UNC45A: variants seen among roughly 807,000 people sequenced by gnomAD.
UNC45A encodes protein unc-45 homolog A.
In UNC45A, 78 loss-of-function variants were observed where a neutral mutation model predicts 103.2. The observed-to-expected ratio is 0.76, with a 90% CI of 0.63 to 0.91. UNC45A has a LOEUF of 0.91. Among genes scored for constraint, UNC45A ranks in the 40% least tolerant of loss-of-function variants. The probability of loss-of-function intolerance (pLI) is 0.00; values close to 1 mark genes in which losing one functional copy is unlikely to be tolerated. For missense variants in UNC45A, 1,193 were observed against 1,224.8 expected (o/e 0.97, Z 0.39); for synonymous variants, 495 against 504.6 (o/e 0.98, Z 0.25).
chr15:90,942,629 CT>C (rs1567153138), intron 7 of UNC45A, 24 bp downstream of exon 7: 1 of 1,614,002 alleles, frequency 6.2e-7, no homozygotes, highest in Admixed American at 1.7e-5. Context: ...GGTCTGGGGT[CT>C]TTTGGACGTT....
At chr15:90,933,981 G>A (rs1181502635), upstream of UNC45A, 4 of 398,804 alleles carry the variant, frequency 1.0e-5, no homozygotes, top group South Asian at 1.3e-4. Context: ...CTGCAGTCAC[G>A]GCCTAGAAAG....
intron 4 of UNC45A, among the ~76,000 whole-genome samples, chr15:90,938,656 C>T (rs1243361135): frequency 6.6e-6 from 1 of 151,904 alleles, no homozygotes; most frequent in East Asian, 1.9e-4. Context: ...ATGATCTTCC[C>T]CATTCAGATT....
upstream of UNC45A, chr15:90,931,899 C>G (rs554875348): frequency 3.1e-6 from 5 of 1,614,062 alleles, no homozygotes; most frequent in African/African-American, 1.3e-5. Flanking sequence ...TCCACCTCAT[C>G]CAGGGTGGTG....
chr15:90,938,977 TTTTA>T (rs1334333469), intron 4 of UNC45A, among the ~76,000 whole-genome samples: 1 of 151,628 alleles, frequency 6.6e-6, no homozygotes, highest in Non-Finnish European at 1.5e-5. Context: ...TGGCTTCAGA[TTTTA>T]TTTATTTATT....
chr15:90,947,964 T>C, intron 11 of UNC45A, 74 bp downstream of exon 11: 3 of 1,426,004 alleles, frequency 2.1e-6, no homozygotes, highest in Non-Finnish European at 2.8e-6. Flanking sequence ...GGGTGGGGGT[T>C]GGGGCCTCCT....
At chr15:90,947,605 G>A (rs1389335222) in intron 10 of UNC45A, 191 bp from the exon 11 acceptor site, 5 of 598,072 alleles carry the variant, frequency 8.4e-6, no homozygotes, top group Non-Finnish European at 1.5e-5. Context: ...TGTGTCATGC[G>A]GCCACCCCAG....
intron 4 of UNC45A, among the ~76,000 whole-genome samples, chr15:90,939,528 G>A (rs909856075): frequency 1.3e-5 from 2 of 152,180 alleles, no homozygotes; most frequent in Non-Finnish European, 2.9e-5. Context: ...GCAGGAAATA[G>A]CTCAGAAAGA....
At chr15:90,949,783 C>A in intron 15 of UNC45A, 63 bp downstream of exon 15, 1 of 1,520,472 alleles carries the variant, frequency 6.6e-7, no homozygotes, top group Non-Finnish European at 9.1e-7. Flanking sequence ...CATGACTCAG[C>A]AGCTGCCACG....
At chr15:90,932,379 TC>T, upstream of UNC45A, 1 of 1,163,700 alleles carries the variant, frequency 8.6e-7, no homozygotes, top group Non-Finnish European at 1.1e-6. Flanking sequence ...TCCTTCCCAG[TC>T]CCCACCACCC....
chr15:90,953,115 C>T (rs1357628099), intron 18 of UNC45A, 40 bp from the exon 19 acceptor site: 1 of 1,613,082 alleles, frequency 6.2e-7, no homozygotes, highest in Admixed American at 1.7e-5. Context: ...CTGGGCTTTA[C>T]ACCCAACTGA....
chr15:90,934,892 G>C (rs910341920), upstream of UNC45A: 5 of 444,944 alleles, frequency 1.1e-5, no homozygotes, highest in African/African-American at 1.0e-4. Context: ...ACAGAGCGCA[G>C]CAGCGAGAGC....
At chr15:90,950,332 T>G in intron 16 of UNC45A, 65 bp downstream of exon 16, 2 of 1,524,268 alleles carry the variant, frequency 1.3e-6, no homozygotes, top group Non-Finnish European at 1.8e-6. Context: ...GGCTGGGCTG[T>G]AGCTCCCCTT....
rs1403726179 is a variant in UNC45A at position 90,936,356 on chromosome 15, C to G, written c.322C>G (p.Leu108Val). 6.2e-7 allele frequency: 1 copy of G among 1,614,234 alleles called. No individual in the cohort carries two copies. The change falls in exon 4 of 20, where the codon CTG (leucine) becomes GTG (valine). Residue 108 changes from leucine to valine, a missense_variant. Leu to Val is a conservative substitution (Grantham distance 32). Coordinates refer to ENST00000418476, the MANE Select transcript of UNC45A (RefSeq NM_018671.5). ...CCAAGCCCTAGAGAAGCTGGGCCGC[C>G]TGGACCAGGCTGTCCTTGACCTGCA... ...RSQALEKLGR[L>V]DQAVLDLQRC... is the part of the protein sequence containing the mutation.
chr15:90,937,592 G>T (rs8034159), intron 4 of UNC45A, among the ~76,000 whole-genome samples: 31,536 of 150,842 alleles, frequency 0.21, 4,604 homozygotes, highest in East Asian at 0.41. Context: ...GTTCAAGTGA[G>T]TCTCCTGCCT....
chr15:90,931,616 C>G, upstream of UNC45A: 1 of 1,613,954 alleles, frequency 6.2e-7, no homozygotes. Flanking sequence ...TAAGAATGCC[C>G]AGGGTTTTTC....
chr15:90,932,398 G>A (rs771553834), upstream of UNC45A: 5 of 1,275,158 alleles, frequency 3.9e-6, no homozygotes, highest in South Asian at 2.0e-5. Flanking sequence ...CCCAGGTGCC[G>A]CAGCCGGCGC....
In UNC45A at chr15:90,953,467, C is replaced by G; in HGVS notation, c.2586C>G (p.His862Gln). The G allele has an allele frequency of 6.2e-7, 1 of 1,613,724 alleles. No homozygotes were observed. Among genetic ancestry groups the G allele is most frequent in the Middle Eastern group, 1.7e-4 (1 of 5,830 alleles). ...LCSRIPQVTT[H>Q]WLEILQALLL... ...CCCTGTTTTTCTCACAGACCACACA[C>G]TGGCTGGAGATCCTGCAGGCCCTGC... The change falls in exon 20 of 20, where the codon CAC becomes CAG. Residue 862 changes from histidine (H) to glutamine (Q), a missense_variant. Coordinates refer to ENST00000418476, the MANE Select transcript of UNC45A (RefSeq NM_018671.5).
rs944485551 is a variant in UNC45A, at chr15:90,953,834, C to T, written c.*118C>T. 1.9e-4 allele frequency: 262 copies of T among 1,407,806 alleles called. 1 individual carries two copies. The highest frequency in any genetic ancestry group is 2.3e-4 in the Non-Finnish European group (240 of 1,040,884). The allele number at this position is 1,407,806 out of a possible 1,614,324, so 87.2% of individuals were successfully genotyped here. A position where few individuals can be genotyped will look rare whatever the true frequency, so the allele number is the denominator to read the frequency against. ...CATGCCCAATACTCTTGCCCATCCTCGCTTGCTGCCCTAGGATGTCCTCTG... is the reference window on the plus strand; with the variant it reads ...CATGCCCAATACTCTTGCCCATCCTTGCTTGCTGCCCTAGGATGTCCTCTG... On this transcript the variant is annotated 3_prime_UTR_variant, in exon 20 of 20. Transcript: ENST00000418476.
upstream of UNC45A, chr15:90,932,480 G>A: frequency 1.5e-6 from 2 of 1,311,334 alleles, no homozygotes; most frequent in South Asian, 2.3e-5. Context: ...CGCCGCTGCT[G>A]CCGGTGCTTG....
Sources: allele counts gnomAD v4.1 joint callset (sites outside exome capture counted in the v4.1 genomes callset), GRCh38; gene constraint gnomAD v4.1.1; transcripts MANE v1.5; gene names NCBI Gene and HGNC (gene_info 2026-07-23, HGNC 2026-07-21).